The following MIX23 variants were observed in gnomAD, a reference collection of about 807,000 sequenced individuals.
The protein encoded by MIX23 is protein MIX23.
Under a neutral mutation model 21.6 loss-of-function variants are expected in MIX23, and 13 were observed. The observed-to-expected ratio is 0.60, with a 90% confidence interval of 0.39 to 0.96. MIX23 has a LOEUF of 0.96. Ranked by LOEUF, MIX23 falls within the 40% of genes least tolerant of loss-of-function variation. The pLI is 0.00. For synonymous variants in MIX23, 59 were observed against 58.0 expected (o/e 1.02, Z -0.08); for missense variants, 144 against 171.2 (o/e 0.84, Z 0.89).
chr3:122,365,903 C>T (rs2075393056), intron 3 of MIX23, among the ~76,000 whole-genome samples: 2 of 152,188 alleles, frequency 1.3e-5, no homozygotes, highest in South Asian at 2.1e-4. Flanking sequence ...CGGCTGGACA[C>T]GGTGGCTCAT....
chr3:122,379,659 TTA>T (rs1469723440), intron 1 of MIX23, among the ~76,000 whole-genome samples: 2 of 152,018 alleles, frequency 1.3e-5, no homozygotes, highest in African/African-American at 4.8e-5. Context: ...AGAACAGACA[TTA>T]TACACAATAA....
intron 1 of MIX23, among the ~76,000 whole-genome samples, chr3:122,376,777 T>C (rs2075490604): frequency 6.6e-6 from 1 of 151,908 alleles, no homozygotes; most frequent in Non-Finnish European, 1.5e-5. Context: ...CATATAGACA[T>C]AAAGATGGAA....
chr3:122,368,154 A>G, intron 3 of MIX23, 22 bp downstream of exon 3: 1 of 1,607,958 alleles, frequency 6.2e-7, no homozygotes, highest in South Asian at 1.1e-5. Flanking sequence ...TGCCTGAGAA[A>G]TGTTAATTCT....
Position 122,359,862 on chromosome 3 carries a change from T to TAAA in MIX23, c.*6_*7insTTT. On this transcript the variant is annotated 3_prime_UTR_variant, in exon 5 of 5. Coordinates refer to ENST00000291458, the MANE Select transcript of MIX23 (RefSeq NM_001017928.4). Reference sequence around the variant, plus strand: ...AAAAAAAAAAAAAAAAAAAAAAGAATCTCTCTTTATTCATTCTTTGGAGGC... The same window carrying TAAA: ...AAAAAAAAAAAAAAAAAAAAAAGAATAAACTCTCTTTATTCATTCTTTGGAGGC... 5.4e-6 allele frequency: 4 copies of TAAA among 744,988 alleles called. No individual in the cohort carries two copies. Among genetic ancestry groups the TAAA allele is most frequent in the Non-Finnish European group, 7.6e-6 (4 of 526,472 alleles). 46.1% of individuals were successfully genotyped at this position (744,988 alleles called of 1,614,324 possible).
At chr3:122,363,118 A>ATGTTTAC in intron 3 of MIX23, 91 bp from the exon 4 acceptor site, 1 of 1,050,410 alleles carries the variant, frequency 9.5e-7, no homozygotes, top group Non-Finnish European at 1.4e-6. Flanking sequence ...AACCACACTC[A>ATGTTTAC]TGTTTACCCA....
Position 122,371,794 on chromosome 3 carries a change from G to A in MIX23, c.58C>T (p.Leu20Phe). 1 of 1,597,718 alleles carries A rather than the reference G, an allele frequency of 6.3e-7. No individual in the cohort carries two copies. The highest frequency in any genetic ancestry group is 8.6e-7 in the Non-Finnish European group (1 of 1,166,040). The change falls in exon 2 of 5, where the codon CTC becomes TTC. Residue 20 changes from leucine to phenylalanine, a missense_variant. Coordinates refer to ENST00000291458, the MANE Select transcript of MIX23 (RefSeq NM_001017928.4). ...TCATCAATTGTCCTCATCACCTTGA[G>A]TAATTCCTATATGTATTTAAAATAA... is the stretch of plus-strand genomic sequence containing the variant. ...CEEFAEFQEL[L>F]KVMRTIDDRI...
At chr3:122,364,341 C>T (rs2075381105) in intron 3 of MIX23, among the ~76,000 whole-genome samples, 2 of 152,192 alleles carry the variant, frequency 1.3e-5, no homozygotes, top group South Asian at 2.1e-4. Context: ...CCAATGCAAC[C>T]TAAGTTCCCA....
At chr3:122,376,057 G>C (rs2075484062) in intron 1 of MIX23, among the ~76,000 whole-genome samples, 1 of 150,610 alleles carries the variant, frequency 6.6e-6, no homozygotes. Flanking sequence ...AGCTACTTGG[G>C]GAGGCTGAGG....
Position 122,368,307 on chromosome 3 carries a change from CA to C in MIX23, c.192del (p.His64GlnfsTer8). ...KQLYESLMAA[H>X]ASRDRVIKNC... ...TTTTTTATGACTCTGTCTCTACTGG[CA>C]TGAGCTGCCATCAACTAAAAGAACA... On this transcript the variant is annotated frameshift_variant, in exon 3 of 5. Transcript: ENST00000291458. LOFTEE classifies it high-confidence loss of function. 3.8e-6 allele frequency: 6 copies of C among 1,587,130 alleles called. No individual in the cohort carries two copies. The highest frequency in any genetic ancestry group is 5.1e-6 in the Non-Finnish European group (6 of 1,174,206).
At chr3:122,374,121 A>T (rs56138051) in intron 1 of MIX23, among the ~76,000 whole-genome samples, 51,714 of 132,592 alleles carry the variant, frequency 0.39, 10,476 homozygotes, top group East Asian at 0.65. Flanking sequence ...TTTTTTTTTA[A>T]AAAAAAAGCC....
At chr3:122,368,033 A>G (rs954374940) in intron 3 of MIX23, 143 bp downstream of exon 3, 2 of 674,656 alleles carry the variant, frequency 3.0e-6, no homozygotes, top group Non-Finnish European at 5.1e-6. Flanking sequence ...AATAAAGCTC[A>G]CTAAAAATGA....
intron 3 of MIX23, among the ~76,000 whole-genome samples, chr3:122,366,921 G>C (rs1161276004): frequency 1.3e-5 from 2 of 150,360 alleles, no homozygotes; most frequent in Non-Finnish European, 3.0e-5. Context: ...CTAGGTGACA[G>C]AGTGAGACCC....
chr3:122,374,118 TTAA>T (rs1472429708), intron 1 of MIX23, among the ~76,000 whole-genome samples: 1 of 145,630 alleles, frequency 6.9e-6, no homozygotes, highest in Non-Finnish European at 1.5e-5. Flanking sequence ...TTTTTTTTTT[TTAA>T]AAAAAAAGCC....
intron 4 of MIX23, among the ~76,000 whole-genome samples, chr3:122,362,047 A>G (rs1233303403): frequency 1.3e-5 from 2 of 152,208 alleles, no homozygotes; most frequent in African/African-American, 2.4e-5. Flanking sequence ...AGAGGGGTAA[A>G]TGGATATACT....
chr3:122,366,179 AAAAT>A (rs139237017), intron 3 of MIX23, among the ~76,000 whole-genome samples: 49,823 of 146,012 alleles, frequency 0.34, 8,901 homozygotes, highest in Admixed American at 0.43. Flanking sequence ...CTCCATCTCA[AAAAT>A]AAATAAATAA....
intron 1 of MIX23, among the ~76,000 whole-genome samples, chr3:122,376,610 ACT>A (rs1012167924): frequency 4.0e-5 from 6 of 151,836 alleles, no homozygotes; most frequent in Non-Finnish European, 7.4e-5. Context: ...CAAGAACGAA[ACT>A]CTGTCTCCAA....
chr3:122,376,513 G>T (rs1291025926), intron 1 of MIX23, among the ~76,000 whole-genome samples: 3 of 152,164 alleles, frequency 2.0e-5, no homozygotes, highest in South Asian at 2.1e-4. Context: ...TAACTATTTG[G>T]GACTCTGAGG....
chr3:122,374,199 G>C (rs1273220703), intron 1 of MIX23, among the ~76,000 whole-genome samples: 1 of 151,508 alleles, frequency 6.6e-6, no homozygotes, highest in Non-Finnish European at 1.5e-5. Flanking sequence ...GAGGCCAAGG[G>C]TTAAGTTGTG....
intron 1 of MIX23, among the ~76,000 whole-genome samples, chr3:122,374,163 C>T (rs1218740877): frequency 6.9e-6 from 1 of 145,216 alleles, no homozygotes; most frequent in African/African-American, 2.6e-5. Flanking sequence ...CCTTCCTTTT[C>T]GCTATCTAAA....
Sources: allele counts gnomAD v4.1 joint callset (sites outside exome capture counted in the v4.1 genomes callset), GRCh38; gene constraint gnomAD v4.1.1; transcripts MANE v1.5; gene names NCBI Gene and HGNC (gene_info 2026-07-23, HGNC 2026-07-21).